The following DCC variants were observed in gnomAD, a reference collection of about 807,000 sequenced individuals.
The protein encoded by DCC is DCC netrin 1 receptor.
DCC carries 58 observed loss-of-function variants against 172.5 expected under a neutral mutation model. The ratio of observed to expected loss-of-function variants is 0.34; its 90% CI spans 0.27 to 0.42. The LOEUF (loss-of-function observed/expected upper bound fraction) is 0.42, where lower values mean the gene tolerates loss of function less well. DCC is among the 10% of genes least tolerant of loss of function. DCC has a pLI of 1.00. For synonymous variants in DCC, 709 were observed against 644.5 expected, an observed-to-expected ratio of 1.10 and a Z score of -1.52; for missense variants, 1,740 against 1,791.0, an observed-to-expected ratio of 0.97 and a Z score of 0.51.
chr18:53,321,228 G>A (rs777042520), intron 13 of DCC, among the ~76,000 whole-genome samples: 28 of 152,044 alleles, frequency 1.8e-4, no homozygotes, highest in Admixed American at 1.0e-3. Flanking sequence ...CTTTATCAGC[G>A]TTGTTTAATT....
intron 1 of DCC, among the ~76,000 whole-genome samples, chr18:52,681,752 G>T (rs1469896252): frequency 1.3e-5 from 2 of 152,072 alleles, no homozygotes; most frequent in Non-Finnish European, 1.5e-5. Context: ...CTTCTTTTCA[G>T]TCTGCTTGTT....
chr18:53,476,333 G>C (rs1454520494), intron 25 of DCC, among the ~76,000 whole-genome samples: 2 of 152,114 alleles, frequency 1.3e-5, no homozygotes, highest in Non-Finnish European at 2.9e-5. Flanking sequence ...GAATTATATG[G>C]TTTGGCTGTG....
chr18:53,170,446 G>C (rs994406703), intron 8 of DCC, among the ~76,000 whole-genome samples: 1 of 152,184 alleles, frequency 6.6e-6, no homozygotes, highest in Non-Finnish European at 1.5e-5. Flanking sequence ...TGGAGTGGGG[G>C]CAAGCCCCAA....
At chr18:53,024,785 G>A (rs1194150196) in intron 5 of DCC, among the ~76,000 whole-genome samples, 1 of 152,098 alleles carries the variant, frequency 6.6e-6, no homozygotes, top group Non-Finnish European at 1.5e-5. Flanking sequence ...TGAGCAATGG[G>A]AAAAGGGATT....
chr18:52,792,834 T>TTTTTC (rs1568107140), intron 2 of DCC, among the ~76,000 whole-genome samples: 3 of 116,636 alleles, frequency 2.6e-5, no homozygotes, highest in African/African-American at 6.1e-5. Context: ...TATTCCATTC[T>TTTTTC]ATTCCATTCC....
At chr18:53,213,761 T>C (rs2055798391) in intron 11 of DCC, among the ~76,000 whole-genome samples, 1 of 151,618 alleles carries the variant, frequency 6.6e-6, no homozygotes, top group African/African-American at 2.4e-5. Flanking sequence ...TGTGAAATTA[T>C]ATGATATAGA....
intron 5 of DCC, among the ~76,000 whole-genome samples, chr18:53,050,389 G>T (rs2144036019): frequency 6.6e-6 from 1 of 152,180 alleles, no homozygotes; most frequent in South Asian, 2.1e-4. Context: ...TAATGATACT[G>T]ATTCTTCCTA....
intron 12 of DCC, among the ~76,000 whole-genome samples, chr18:53,234,455 A>T (rs1334552292): frequency 6.6e-6 from 1 of 151,914 alleles, no homozygotes; most frequent in Non-Finnish European, 1.5e-5. Context: ...AAATAAATAA[A>T]TAAAATATTG....
At chr18:52,695,848 C>T (rs999493644) in intron 1 of DCC, among the ~76,000 whole-genome samples, 1 of 152,136 alleles carries the variant, frequency 6.6e-6, no homozygotes, top group East Asian at 1.9e-4. Flanking sequence ...TACATCTGCC[C>T]TCCTTTTTGT....
chr18:52,373,348 A>G (rs1422861622), intron 1 of DCC, among the ~76,000 whole-genome samples: 3 of 152,122 alleles, frequency 2.0e-5, no homozygotes, highest in Non-Finnish European at 4.4e-5. Flanking sequence ...ATGCTGTTCT[A>G]CTTTTGAGGG....
chr18:53,351,441 GTGTATA>G (rs1232887962), intron 15 of DCC, among the ~76,000 whole-genome samples: 1 of 27,258 alleles, frequency 3.7e-5, no homozygotes, highest in African/African-American at 1.7e-4. Context: ...TATATATACA[GTGTATA>G]TATATATATA....
intron 2 of DCC, among the ~76,000 whole-genome samples, chr18:52,752,612 T>G (rs1432857482): frequency 6.6e-6 from 1 of 152,176 alleles, no homozygotes; most frequent in Non-Finnish European, 1.5e-5. Flanking sequence ...ACTTCTCTCT[T>G]TTCTGTGGTG....
At chr18:52,930,131 T>A (rs553664239) in intron 5 of DCC, among the ~76,000 whole-genome samples, 1 of 152,216 alleles carries the variant, frequency 6.6e-6, no homozygotes, top group Admixed American at 6.5e-5. Flanking sequence ...TTCTTTTCTT[T>A]TTTTCTTCTT....
intron 1 of DCC, among the ~76,000 whole-genome samples, chr18:52,403,415 G>A (rs1986514966): frequency 6.6e-6 from 1 of 151,956 alleles, no homozygotes; most frequent in Admixed American, 6.6e-5. Context: ...AGCTTACTCT[G>A]GGGCTTCTTG....
At chr18:53,218,850 C>G (rs934175091) in intron 12 of DCC, among the ~76,000 whole-genome samples, 1 of 152,008 alleles carries the variant, frequency 6.6e-6, no homozygotes, top group Non-Finnish European at 1.5e-5. Flanking sequence ...TTATATATTT[C>G]AAATACATAC....
intron 1 of DCC, among the ~76,000 whole-genome samples, chr18:52,500,551 T>A (rs538351133): frequency 6.6e-6 from 1 of 152,334 alleles, no homozygotes; most frequent in East Asian, 1.9e-4. Context: ...TTGGCGCTAA[T>A]AAGTATGTCT....
intron 5 of DCC, among the ~76,000 whole-genome samples, chr18:53,013,037 G>A (rs908759868): frequency 3.9e-5 from 6 of 152,056 alleles, no homozygotes; most frequent in Admixed American, 3.3e-4. Context: ...ATTTCATACC[G>A]TTAGAATGGC....
chr18:53,426,727 C>T (rs1910994213), intron 21 of DCC, among the ~76,000 whole-genome samples: 1 of 151,962 alleles, frequency 6.6e-6, no homozygotes, highest in African/African-American at 2.4e-5. Context: ...GACTTACAAA[C>T]TTCTGCAATA....
chr18:52,651,980 A>G (rs1325903515), intron 1 of DCC, among the ~76,000 whole-genome samples: 1 of 152,228 alleles, frequency 6.6e-6, no homozygotes, highest in East Asian at 1.9e-4. Flanking sequence ...AGAAAGCCAC[A>G]GTATCAGCAA....
Sources: allele counts gnomAD v4.1 joint callset (sites outside exome capture counted in the v4.1 genomes callset), GRCh38; gene constraint gnomAD v4.1.1; transcripts MANE v1.5; gene names NCBI Gene and HGNC (gene_info 2026-07-23, HGNC 2026-07-21).